Variants in MYOM3 observed in about 807,000 individuals in gnomAD.
The protein encoded by MYOM3 is myomesin-3.
In MYOM3, 155 loss-of-function variants were observed where a neutral mutation model predicts 191.7. The observed-to-expected ratio is 0.81, with a 90% CI of 0.71 to 0.92. The LOEUF (loss-of-function observed/expected upper bound fraction) is 0.92. MYOM3 is among the 40% of genes least tolerant of loss of function. The pLI, the probability that MYOM3 is intolerant of heterozygous loss-of-function variation, is 0.00. For missense variants in MYOM3, 1,889 were observed against 1,890.6 expected (o/e 1.00, Z 0.02); for synonymous variants, 757 against 762.9 (o/e 0.99, Z 0.13).
intron 9 of MYOM3, among the ~76,000 whole-genome samples, chr1:24,094,507 G>A (rs1643868227): frequency 6.6e-6 from 1 of 152,080 alleles, no homozygotes; most frequent in African/African-American, 2.4e-5. Flanking sequence ...GCATGCAAAT[G>A]GCTGAGCAGG....
rs373363301 is a variant in MYOM3 at position 24,092,903 on chromosome 1, T to A, written c.1090+44A>T. 1.7e-5 allele frequency: 25 copies of A among 1,450,804 alleles called. No homozygotes were observed. In the Middle Eastern group the frequency reaches 1.4e-3, roughly 83 times the overall value. The allele number at this position is 1,450,804 out of a possible 1,614,324, so 89.9% of individuals were successfully genotyped here. On this transcript the variant is annotated intron_variant, in intron 10 of 36. Transcript: ENST00000374434. ...CAGCAAACAAGGGGCAGAGCCCTGG[T>A]CTCTGGGCTCCTGCTGCTACCCTGC...
Position 24,063,014 on chromosome 1 carries a change from G to T in MYOM3, c.3770+112C>A. The stretch of plus-strand genomic sequence containing the variant: ...CCCTGGGACCAGGCTCTGCTTGGGG[G>T]ACCAGAAACTCTGCTTGGAGGACCA... On this transcript the variant is annotated intron_variant, in intron 32 of 36. Coordinates refer to ENST00000374434, the MANE Select transcript of MYOM3 (RefSeq NM_152372.4). This position sits in a 1 kb window ranked among gnomAD's most constrained non-coding sequence, Gnocchi z 4.5. 3.1e-6 allele frequency: 2 copies of T among 638,466 alleles called. No individual in the cohort carries two copies. Among genetic ancestry groups the T allele is most frequent in the Non-Finnish European group, 2.8e-6 (1 of 354,850 alleles). 39.6% of individuals were successfully genotyped at this position (638,466 alleles called of 1,614,324 possible).
chr1:24,071,911 C>T, intron 24 of MYOM3, 58 bp downstream of exon 24: 1 of 1,566,170 alleles, frequency 6.4e-7, no homozygotes, highest in Non-Finnish European at 8.8e-7. Flanking sequence ...CTGCTCAGAA[C>T]ATGCCAATGG....
chr1:24,106,708 G>A (rs12091910), intron 4 of MYOM3, among the ~76,000 whole-genome samples: 21,006 of 152,020 alleles, frequency 0.14, 2,021 homozygotes, highest in African/African-American at 0.28. Flanking sequence ...TCAGCCTCCC[G>A]AGTAGCTGGG....
intron 27 of MYOM3, among the ~76,000 whole-genome samples, chr1:24,067,344 CTTTCTTTCTTTCTT>C (rs1643456319): frequency 1.3e-5 from 1 of 74,320 alleles, no homozygotes; most frequent in African/African-American, 5.2e-5. Context: ...TTCTTTCTTT[CTTTCTTTCTTTCTT>C]TCTTTCTTTC....
chr1:24,082,025 C>T lies in MYOM3; in HGVS notation c.2256G>A (p.Gln752=), dbSNP rs770942064. 6.8e-6 allele frequency: 11 copies of T among 1,611,326 alleles called. No homozygotes were observed. The highest frequency in any genetic ancestry group is 6.7e-5 in the East Asian group (3 of 44,858). ...CCTTGCAGACCCGGGTGGGGATGGGCTGCTGATTGACCGCATGCCAGTCCA... is the reference window on the plus strand; with the variant it reads ...CCTTGCAGACCCGGGTGGGGATGGGTTGCTGATTGACCGCATGCCAGTCCA... The part of the protein sequence containing the change: ...EELDWHAVNQ[Q]PIPTRVCKVS... Residue 752 remains glutamine, a synonymous_variant, in exon 18 of 37, where the codon CAG becomes CAA. Coordinates refer to ENST00000374434, the MANE Select transcript of MYOM3 (RefSeq NM_152372.4).
rs759549035 is a variant in MYOM3 at position 24,099,796 on chromosome 1, G to A, written c.561-21C>T. 5.6e-6 allele frequency: 9 copies of A among 1,593,050 alleles called. No individual in the cohort carries two copies. The South Asian group carries it at 7.7e-5, about 14-fold the overall frequency. Reference sequence around the variant, plus strand: ...TGTACCTGTGGGGACATAGCGGTCTGTGGCAGGCAGGGTGGTTCTAAGCGG... The same window carrying A: ...TGTACCTGTGGGGACATAGCGGTCTATGGCAGGCAGGGTGGTTCTAAGCGG... On this transcript the variant is annotated intron_variant, in intron 5 of 36. Transcript: ENST00000374434.
chr1:24,058,402 T>A (rs1643329253), intron 36 of MYOM3, among the ~76,000 whole-genome samples: 1 of 152,210 alleles, frequency 6.6e-6, no homozygotes. Flanking sequence ...CTTCAAGCTG[T>A]GTGACCTTAG....
At chr1:24,060,593 G>A (rs1430299185) in intron 35 of MYOM3, among the ~76,000 whole-genome samples, 1 of 152,190 alleles carries the variant, frequency 6.6e-6, no homozygotes, top group Non-Finnish European at 1.5e-5. Flanking sequence ...TGGGTTGGGA[G>A]GTGATGAATG....
At position 24,057,483 on chromosome 1, in the gene MYOM3, T is replaced by C; in HGVS notation, c.4195A>G (p.Ser1399Gly). 1 of 1,614,224 alleles carries C rather than the reference T, an allele frequency of 6.2e-7. No individual in the cohort carries two copies. Among genetic ancestry groups the C allele is most frequent in the Non-Finnish European group, 8.5e-7 (1 of 1,180,036 alleles). ...EVTITIEKVN[S>G]EDSGRYGVFV... Reference sequence around the variant, plus strand: ...ACGCCGTAGCGGCCGCTGTCTTCACTGTTGACCTTCTCAATGGTGATGGTG... The same window carrying C: ...ACGCCGTAGCGGCCGCTGTCTTCACCGTTGACCTTCTCAATGGTGATGGTG... Residue 1399 changes from serine (S) to glycine (G), a missense_variant, in exon 37 of 37, where the codon AGT (serine) becomes GGT (glycine). By Grantham distance (56) the Ser-to-Gly change is moderately conservative. Transcript: ENST00000374434.
chr1:24,100,613 A>G (rs1272747122), intron 5 of MYOM3, among the ~76,000 whole-genome samples: 4 of 152,222 alleles, frequency 2.6e-5, no homozygotes, highest in East Asian at 1.9e-4. Context: ...CAGGCCGGGC[A>G]CGGTGGCTCA....
chr1:24,064,041 C>G (rs767976563), intron 30 of MYOM3, 31 bp downstream of exon 30: 16 of 1,559,638 alleles, frequency 1.0e-5, no homozygotes, highest in East Asian at 2.2e-5. Flanking sequence ...TGTGCTCCCT[C>G]CACAGCCCCT....
At position 24,063,935 on chromosome 1, in the gene MYOM3, G is replaced by A. The variant is rs1643403265; in HGVS notation, c.3622+137C>T. 2.8e-6 allele frequency: 2 copies of A among 708,990 alleles called. No homozygotes were observed. Among genetic ancestry groups the A allele is most frequent in the Non-Finnish European group, 4.8e-6 (2 of 420,246 alleles). The allele number at this position is 708,990 out of a possible 1,614,324, so 43.9% of individuals were successfully genotyped here. A position where few individuals can be genotyped will look rare whatever the true frequency, so the allele number is the denominator to read the frequency against. On this transcript the variant is annotated intron_variant, in intron 30 of 36. Coordinates refer to ENST00000374434, the MANE Select transcript of MYOM3 (RefSeq NM_152372.4). The surrounding 1 kb of genome is among the most constrained non-coding windows in gnomAD (Gnocchi z 4.5). ...TGCCACTGACTAGATGTGGAATCTT[G>A]GGCAAGTTACTTAATCTCTTTGTGC...
intron 12 of MYOM3, 65 bp downstream of exon 12, chr1:24,090,732 G>A: frequency 6.6e-7 from 1 of 1,519,416 alleles, no homozygotes; most frequent in African/African-American, 1.4e-5. Flanking sequence ...TGTCTCCTGT[G>A]TGAGACAGTC....
chr1:24,061,221 C>T, intron 34 of MYOM3, 52 bp downstream of exon 34: 1 of 1,612,034 alleles, frequency 6.2e-7, no homozygotes, highest in Non-Finnish European at 8.5e-7. Flanking sequence ...TAGTTTATGC[C>T]ACACCCTGAA....
chr1:24,101,501 C>T (rs1469651644), intron 5 of MYOM3, among the ~76,000 whole-genome samples: 1 of 152,162 alleles, frequency 6.6e-6, no homozygotes, highest in African/African-American at 2.4e-5. Flanking sequence ...AATCCCAACA[C>T]TTTGGGAGGC....
rs1368616626 is a variant in MYOM3 at position 24,087,831 on chromosome 1, A to G, written c.1615-1004T>C. On this transcript the variant is annotated intron_variant, in intron 14 of 36. Coordinates refer to ENST00000374434, the MANE Select transcript of MYOM3 (RefSeq NM_152372.4). The surrounding 1 kb of genome is among the most constrained non-coding windows in gnomAD (Gnocchi z 4.5). ...CCCTGACTGCCGTGTCCCTAGGGCC[A>G]AGAACAGGACTGGCACATAGCAGGT... Among the ~76,000 whole-genome samples the G allele has an allele frequency of 6.6e-6, 1 of 152,230 alleles. No individual in the cohort carries two copies. Among genetic ancestry groups the G allele is most frequent in the Non-Finnish European group, 1.5e-5 (1 of 68,046 alleles).
intron 23 of MYOM3, among the ~76,000 whole-genome samples, chr1:24,073,647 G>A (rs1285682389): frequency 1.3e-5 from 2 of 151,990 alleles, no homozygotes; most frequent in Non-Finnish European, 2.9e-5. Context: ...GGCGGATCAC[G>A]AGGTCAGGAG....
At chr1:24,103,373 C>T (rs942347117) in intron 5 of MYOM3, among the ~76,000 whole-genome samples, 4 of 152,364 alleles carry the variant, frequency 2.6e-5, no homozygotes, top group East Asian at 3.8e-4. Flanking sequence ...ATGACCAGCC[C>T]TGAGGCCAGC....
Sources: gnomAD v4.1 joint callset for allele counts (sites outside exome capture counted in the v4.1 genomes callset) on GRCh38, gnomAD v4.1.1 for gene constraint, Gnocchi (gnomAD v3.1) non-coding constraint, MANE v1.5 for transcripts, NCBI Gene and HGNC (gene_info 2026-07-23, HGNC 2026-07-21) for gene names.